The following TMEM232 variants were observed in gnomAD, a reference collection of about 807,000 sequenced individuals.
TMEM232 encodes the protein transmembrane protein 232.
TMEM232 carries 80 observed loss-of-function variants against 78.8 expected under a neutral mutation model. The ratio of observed to expected loss-of-function variants is 1.01; its 90% CI spans 0.85 to 1.22. The LOEUF (loss-of-function observed/expected upper bound fraction) is 1.22. TMEM232 is among the 50% of genes most tolerant of loss of function. The probability of loss-of-function intolerance (pLI) is 0.00; values close to 1 mark genes in which losing one functional copy is unlikely to be tolerated. For synonymous variants in TMEM232, 297 were observed against 254.3 expected (o/e 1.17, Z -1.60); for missense variants, 881 against 742.2 (o/e 1.19, Z -2.17).
At chr5:110,521,284 A>C (rs1159336930) in intron 12 of TMEM232, among the ~76,000 whole-genome samples, 1 of 152,176 alleles carries the variant, frequency 6.6e-6, no homozygotes, top group Non-Finnish European at 1.5e-5. Flanking sequence ...TATCTATTCA[A>C]GTTTTTAACC....
In TMEM232 at chr5:110,622,856, G is replaced by C. The variant is rs141514466; in HGVS notation, c.768+2411C>G. 1.9e-4 allele frequency among the ~76,000 whole-genome samples: 29 copies of C among 150,132 alleles called. 1 individual carries two copies. The East Asian group carries it at 3.9e-3, about 20-fold the overall frequency. On this transcript the variant is annotated intron_variant, in intron 7 of 13. Coordinates refer to ENST00000455884, the MANE Select transcript of TMEM232 (RefSeq NM_001039763.4). ...GGGGAATGTTGTGGGGTGTGGGGAG[G>C]GGGGAGGGATAGCATTGGGAGATAT...
At chr5:110,471,877 G>T (rs562234465) in intron 12 of TMEM232, among the ~76,000 whole-genome samples, 3 of 151,868 alleles carry the variant, frequency 2.0e-5, no homozygotes, top group Admixed American at 6.6e-5. Context: ...AAGACTCAAA[G>T]AAATCAAATC....
At chr5:110,450,378 T>C (rs1044019462) in intron 12 of TMEM232, among the ~76,000 whole-genome samples, 3 of 152,168 alleles carry the variant, frequency 2.0e-5, no homozygotes, top group Admixed American at 2.0e-4. Flanking sequence ...TTCTTTTCTT[T>C]TCATCTCTAC....
chr5:110,453,857 C>T (rs1184552886), intron 12 of TMEM232, among the ~76,000 whole-genome samples: 3 of 148,996 alleles, frequency 2.0e-5, no homozygotes, highest in South Asian at 2.1e-4. Context: ...TGTTATAAGA[C>T]ATCAGCACCA....
chr5:110,476,736 AAT>A (rs1271739896), intron 12 of TMEM232, among the ~76,000 whole-genome samples: 1 of 152,012 alleles, frequency 6.6e-6, no homozygotes, highest in African/African-American at 2.4e-5. Flanking sequence ...TCCCAGATGT[AAT>A]TATTACAGCA....
intron 1 of TMEM232, among the ~76,000 whole-genome samples, chr5:110,691,917 T>C (rs1423027282): frequency 1.3e-5 from 2 of 152,110 alleles, no homozygotes; most frequent in Non-Finnish European, 2.9e-5. Context: ...TCTCAATTCT[T>C]TTGTTTGTTT....
At chr5:110,541,290 T>C (rs1236289955) in intron 11 of TMEM232, among the ~76,000 whole-genome samples, 2 of 152,098 alleles carry the variant, frequency 1.3e-5, no homozygotes, top group African/African-American at 2.4e-5. Flanking sequence ...CCTCCTCTAA[T>C]AGAACCAGTC....
intron 12 of TMEM232, among the ~76,000 whole-genome samples, chr5:110,524,834 C>CAT (rs1243703707): frequency 6.6e-6 from 1 of 151,962 alleles, no homozygotes; most frequent in East Asian, 1.9e-4. Flanking sequence ...ATGTTGGGTA[C>CAT]ATATATATTT....
At chr5:110,428,579 A>G (rs1757495433) in intron 12 of TMEM232, among the ~76,000 whole-genome samples, 2 of 151,576 alleles carry the variant, frequency 1.3e-5, no homozygotes, top group Non-Finnish European at 1.5e-5. Context: ...ACATGAATCA[A>G]CATACTTTCT....
chr5:110,627,861 A>G lies in TMEM232; in HGVS notation c.521T>C (p.Leu174Ser), dbSNP rs1346169461. The change falls in exon 6 of 14, where the codon TTA (leucine) becomes TCA (serine). Residue 174 changes from leucine (L) to serine (S), a missense_variant. Coordinates refer to ENST00000455884, the MANE Select transcript of TMEM232 (RefSeq NM_001039763.4). The stretch of plus-strand genomic sequence containing the variant: ...ATGCAGGAAAAATATAAAAAGTCGT[A>G]AGAAGACCAAATAGCCAATCTGTCA... Reference protein sequence around the residue: ...KLAKIGYLVFLRLFIFFLHGH... With the variant: ...KLAKIGYLVFSRLFIFFLHGH... 2 of 1,531,498 alleles carry G rather than the reference A, an allele frequency of 1.3e-6. No homozygotes were observed. The highest frequency in any genetic ancestry group is 1.8e-6 in the Non-Finnish European group (2 of 1,141,598). 94.9% of individuals were successfully genotyped at this position (1,531,498 alleles called of 1,614,324 possible). A position where few individuals can be genotyped will look rare whatever the true frequency, so the allele number is the denominator to read the frequency against.
intron 1 of TMEM232, among the ~76,000 whole-genome samples, chr5:110,696,954 G>A (rs1794864499): frequency 6.6e-6 from 1 of 152,150 alleles, no homozygotes; most frequent in South Asian, 2.1e-4. Flanking sequence ...CTACTTTAAA[G>A]TTCATATGGA....
intron 2 of TMEM232, among the ~76,000 whole-genome samples, chr5:110,406,974 A>G (rs1755815800): frequency 6.6e-6 from 1 of 152,054 alleles, no homozygotes; most frequent in Admixed American, 6.6e-5. Context: ...CGCAACCACA[A>G]TGCAAAAATC....
downstream of TMEM232, among the ~76,000 whole-genome samples, chr5:110,418,939 A>G (rs1415776345): frequency 6.6e-6 from 1 of 152,178 alleles, no homozygotes; most frequent in African/African-American, 2.4e-5. Context: ...CTACAAACCA[A>G]TAAAAAGATT....
intron 7 of TMEM232, among the ~76,000 whole-genome samples, chr5:110,619,397 T>G (rs1373295210): frequency 6.6e-6 from 1 of 152,182 alleles, no homozygotes; most frequent in East Asian, 1.9e-4. Flanking sequence ...AGCTAAGATA[T>G]TTTAAGTTTC....
intron 12 of TMEM232, among the ~76,000 whole-genome samples, chr5:110,440,489 T>A (rs975311680): frequency 6.6e-6 from 1 of 152,142 alleles, no homozygotes; most frequent in African/African-American, 2.4e-5. Flanking sequence ...ATATTTGAAA[T>A]GATATTTCAA....
intron 1 of TMEM232, among the ~76,000 whole-genome samples, chr5:110,696,250 A>G (rs1346929983): frequency 6.6e-6 from 1 of 152,200 alleles, no homozygotes; most frequent in Non-Finnish European, 1.5e-5. Flanking sequence ...ACAAAATTCA[A>G]CAAGCTTCAT....
intron 12 of TMEM232, among the ~76,000 whole-genome samples, chr5:110,433,089 CTAAGAA>C (rs1758042206): frequency 6.6e-6 from 1 of 151,572 alleles, no homozygotes; most frequent in African/African-American, 2.4e-5. Context: ...AGGCAGAAAA[CTAAGAA>C]ATTATAAATT....
chr5:110,618,358 C>T, intron 8 of TMEM232, 71 bp downstream of exon 8: 1 of 1,522,954 alleles, frequency 6.6e-7, no homozygotes, highest in Non-Finnish European at 8.8e-7. Context: ...CATTTAGGTA[C>T]AAGGGTTATT....
At chr5:110,652,292 G>GCTTACACACACACACACA (rs1437198025) in intron 2 of TMEM232, among the ~76,000 whole-genome samples, 2 of 5,010 alleles carry the variant, frequency 4.0e-4, no homozygotes. Flanking sequence ...GTGCACGCGC[G>GCTTACACACACACACACA]CGCACACACA....
Sources: gnomAD v4.1 joint callset for allele counts (sites outside exome capture counted in the v4.1 genomes callset) on GRCh38, gnomAD v4.1.1 for gene constraint, MANE v1.5 for transcripts, NCBI Gene and HGNC (gene_info 2026-07-23, HGNC 2026-07-21) for gene names.